ERBB4: variants seen among roughly 807,000 people sequenced by gnomAD.
ERBB4 encodes receptor tyrosine-protein kinase erbB-4.
In ERBB4, 42 loss-of-function variants were observed where a neutral mutation model predicts 158.0. The ratio of observed to expected loss-of-function variants is 0.27; its 90% CI spans 0.21 to 0.34. ERBB4 has a LOEUF of 0.34. Ranked by LOEUF, ERBB4 falls within the 10% of genes least tolerant of loss-of-function variation. The pLI is 1.00. For missense variants in ERBB4, 1,333 were observed against 1,624.1 expected (o/e 0.82, Z 3.08); for synonymous variants, 583 against 558.7 (o/e 1.04, Z -0.61).
At chr2:211,631,304 A>G (rs2070120192) in intron 16 of ERBB4, among the ~76,000 whole-genome samples, 1 of 152,172 alleles carries the variant, frequency 6.6e-6, no homozygotes. Context: ...GAGAGTTATT[A>G]TTGCCCAAAG....
At chr2:212,409,973 C>T (rs370586182) in intron 1 of ERBB4, among the ~76,000 whole-genome samples, 3 of 151,812 alleles carry the variant, frequency 2.0e-5, no homozygotes, top group East Asian at 1.9e-4. Flanking sequence ...GAAATAAATC[C>T]AGGCTTCATC....
intron 2 of ERBB4, among the ~76,000 whole-genome samples, chr2:212,081,758 C>A (rs1308457375): frequency 1.3e-5 from 2 of 152,040 alleles, no homozygotes; most frequent in Non-Finnish European, 1.5e-5. Context: ...CCTTTGTGTT[C>A]TTGAAGCAGA....
At chr2:211,974,054 C>A (rs995290933) in intron 2 of ERBB4, among the ~76,000 whole-genome samples, 1 of 151,944 alleles carries the variant, frequency 6.6e-6, no homozygotes, top group Admixed American at 6.6e-5. Context: ...CACAGAGAGG[C>A]GAACAACACA....
chr2:212,483,060 G>C (rs1052941016), intron 1 of ERBB4, among the ~76,000 whole-genome samples: 5 of 152,132 alleles, frequency 3.3e-5, no homozygotes, highest in Non-Finnish European at 7.4e-5. Flanking sequence ...AGGATGAATG[G>C]CCAGAGAGGC....
chr2:212,349,892 G>A (rs1271941199), intron 1 of ERBB4, among the ~76,000 whole-genome samples: 1 of 151,922 alleles, frequency 6.6e-6, no homozygotes, highest in Non-Finnish European at 1.5e-5. Flanking sequence ...TAAGGAAGAA[G>A]GGGAAAATAG....
intron 25 of ERBB4, among the ~76,000 whole-genome samples, chr2:211,407,790 C>T (rs1456702112): frequency 6.6e-6 from 1 of 152,190 alleles, no homozygotes; most frequent in Non-Finnish European, 1.5e-5. Context: ...GAGAACTTTT[C>T]ATTTGGGCAG....
rs1431022494 is a variant in ERBB4 at position 211,944,197 on chromosome 2, ATACTAT to A, written c.421+3227_421+3232del. Among the ~76,000 whole-genome samples the A allele has an allele frequency of 1.6e-4, 7 of 44,560 alleles. 1 individual carries two copies. The highest frequency in any genetic ancestry group is 2.9e-4 in the African/African-American group (3 of 10,486). The allele number at this position is 44,560 out of a possible 152,430, so 29.2% of individuals were successfully genotyped here. On this transcript the variant is annotated intron_variant, in intron 3 of 27. Coordinates refer to ENST00000342788, the MANE Select transcript of ERBB4 (RefSeq NM_005235.3). The stretch of plus-strand genomic sequence containing the variant: ...ATATACTATATATATATATATATAT[ATACTAT>A]ATATATATATACACACACACACAAA...
chr2:211,746,763 G>T (rs2074985380), intron 5 of ERBB4, among the ~76,000 whole-genome samples: 1 of 151,054 alleles, frequency 6.6e-6, no homozygotes, highest in African/African-American at 2.4e-5. Flanking sequence ...CCGGGAGGCG[G>T]AGGTTGCACG....
chr2:211,559,967 AG>A (rs1161714200), intron 20 of ERBB4, among the ~76,000 whole-genome samples: 1 of 152,176 alleles, frequency 6.6e-6, no homozygotes, highest in African/African-American at 2.4e-5. Context: ...CCTCCAGAGA[AG>A]GGTTGACTAG....
chr2:211,451,409 G>T (rs2064243718), intron 20 of ERBB4, among the ~76,000 whole-genome samples: 1 of 152,148 alleles, frequency 6.6e-6, no homozygotes, highest in South Asian at 2.1e-4. Context: ...CTTTCAAGAG[G>T]TATGTCTGTG....
intron 5 of ERBB4, among the ~76,000 whole-genome samples, chr2:211,743,088 G>A (rs980337862): frequency 6.6e-5 from 10 of 152,064 alleles, no homozygotes; most frequent in Non-Finnish European, 1.5e-4. Flanking sequence ...GTTAAAGTAT[G>A]CATTTCTTCA....
chr2:211,587,614 T>C (rs988238265), intron 19 of ERBB4, among the ~76,000 whole-genome samples: 2 of 151,892 alleles, frequency 1.3e-5, no homozygotes, highest in Admixed American at 6.6e-5. Flanking sequence ...TTTCCAGAAC[T>C]GTGAGAATAA....
intron 3 of ERBB4, among the ~76,000 whole-genome samples, chr2:211,842,887 G>T (rs780196779): frequency 6.6e-6 from 1 of 151,980 alleles, no homozygotes; most frequent in African/African-American, 2.4e-5. Context: ...AACTATTTGT[G>T]GACTAAATAA....
intron 1 of ERBB4, among the ~76,000 whole-genome samples, chr2:212,222,967 TG>T (rs2083346509): frequency 6.6e-6 from 1 of 151,562 alleles, no homozygotes; most frequent in African/African-American, 2.4e-5. Flanking sequence ...CATATGCTTT[TG>T]CTTTTTAAAC....
intron 25 of ERBB4, among the ~76,000 whole-genome samples, chr2:211,406,279 C>T (rs16846081): frequency 0.02 from 3,010 of 152,186 alleles, 83 homozygotes; most frequent in African/African-American, 0.069. Context: ...TAGTGGGAAA[C>T]CATTAGTTCA....
chr2:211,952,792 G>A (rs1020920550), intron 2 of ERBB4, among the ~76,000 whole-genome samples: 7 of 151,888 alleles, frequency 4.6e-5, no homozygotes, highest in Non-Finnish European at 8.8e-5. Flanking sequence ...CTGGCAAATA[G>A]TAAGTATTTA....
At chr2:211,565,048 G>T (rs1472885957) in intron 19 of ERBB4, among the ~76,000 whole-genome samples, 3 of 152,176 alleles carry the variant, frequency 2.0e-5, no homozygotes, top group Non-Finnish European at 4.4e-5. Context: ...GCTAAGAGGG[G>T]AGTGGATGAT....
rs553564894 is a variant in ERBB4, at chr2:211,913,608, T to A, written c.421+33822A>T. On this transcript the variant is annotated intron_variant, in intron 3 of 27. Transcript: ENST00000342788. ...AGAGCAAGACTCTATTTCAAAAAAA[T>A]ATATATATATATGTGTGTGTGTGTG... Among the ~76,000 whole-genome samples, 683 of 119,934 alleles carry A rather than the reference T, an allele frequency of 5.7e-3. 4 individuals are homozygous for A. The highest frequency in any genetic ancestry group is 6.9e-3 in the Non-Finnish European group (394 of 57,340). The allele number at this position is 119,934 out of a possible 152,430, so 78.7% of individuals were successfully genotyped here. A position where few individuals can be genotyped will look rare whatever the true frequency, so the allele number is the denominator to read the frequency against.
At chr2:211,695,459 T>C (rs1022517365) in intron 12 of ERBB4, among the ~76,000 whole-genome samples, 9 of 152,152 alleles carry the variant, frequency 5.9e-5, no homozygotes, top group Non-Finnish European at 1.3e-4. Context: ...AACTTGATAT[T>C]TTTTGGAATT....
Sources: gnomAD v4.1 joint callset for allele counts (sites outside exome capture counted in the v4.1 genomes callset) on GRCh38, gnomAD v4.1.1 for gene constraint, MANE v1.5 for transcripts, NCBI Gene and HGNC (gene_info 2026-07-23, HGNC 2026-07-21) for gene names.